The following CCSER1 variants were observed in gnomAD, a reference collection of about 807,000 sequenced individuals.
CCSER1 encodes the protein coiled-coil serine rich protein 1.
A neutral mutation model predicts 82.0 loss-of-function variants in CCSER1; 41 were observed. The ratio of observed to expected loss-of-function variants is 0.50; its 90% CI spans 0.39 to 0.65. The LOEUF (loss-of-function observed/expected upper bound fraction) is 0.65. CCSER1 is among the 30% of genes least tolerant of loss of function. The pLI is 0.00. For missense variants in CCSER1, 1,119 were observed against 1,064.2 expected (o/e 1.05, Z -0.72); for synonymous variants, 414 against 383.9 (o/e 1.08, Z -0.92).
At chr4:91,305,827 G>A (rs1040656749) in intron 10 of CCSER1, among the ~76,000 whole-genome samples, 1 of 151,886 alleles carries the variant, frequency 6.6e-6, no homozygotes, top group Non-Finnish European at 1.5e-5. Context: ...GGAGCAAGGC[G>A]CCTCTTACAC....
intron 7 of CCSER1, among the ~76,000 whole-genome samples, chr4:90,794,016 T>C (rs917018789): frequency 3.3e-5 from 5 of 152,196 alleles, no homozygotes; most frequent in Non-Finnish European, 7.3e-5. Context: ...TGGGGTTGTT[T>C]TTGTCTTGTA....
chr4:90,488,281 T>C (rs184408067), intron 5 of CCSER1, among the ~76,000 whole-genome samples: 1 of 152,114 alleles, frequency 6.6e-6, no homozygotes, highest in Non-Finnish European at 1.5e-5. Context: ...TCGGCCTCCA[T>C]GGTTCACACC....
At chr4:91,253,195 G>A (rs565916576) in intron 10 of CCSER1, among the ~76,000 whole-genome samples, 1 of 152,266 alleles carries the variant, frequency 6.6e-6, no homozygotes, top group African/African-American at 2.4e-5. Context: ...TGAGGATAAA[G>A]ACCTATATGA....
intron 10 of CCSER1, among the ~76,000 whole-genome samples, chr4:91,179,497 A>C (rs569884705): frequency 6.6e-6 from 1 of 152,056 alleles, no homozygotes; most frequent in Non-Finnish European, 1.5e-5. Flanking sequence ...GGCTTTGTTC[A>C]TTTCTTTTTA....
At chr4:91,259,075 GA>G (rs1740909186) in intron 10 of CCSER1, among the ~76,000 whole-genome samples, 1 of 151,822 alleles carries the variant, frequency 6.6e-6, no homozygotes, top group East Asian at 1.9e-4. Flanking sequence ...GAAAAATAAA[GA>G]AAAAACTTTT....
At chr4:90,319,460 G>C (rs1361701691) in intron 3 of CCSER1, among the ~76,000 whole-genome samples, 1 of 152,084 alleles carries the variant, frequency 6.6e-6, no homozygotes, top group East Asian at 1.9e-4. Flanking sequence ...GACTATCCTG[G>C]CTAACACGGT....
intron 10 of CCSER1, among the ~76,000 whole-genome samples, chr4:91,150,409 A>AT (rs547626655): frequency 5.4e-4 from 82 of 152,314 alleles, no homozygotes; most frequent in African/African-American, 1.9e-3. Flanking sequence ...TAAATATACA[A>AT]TCATGTCATC....
chr4:91,106,727 A>G (rs1236588512), intron 10 of CCSER1, among the ~76,000 whole-genome samples: 1 of 152,106 alleles, frequency 6.6e-6, no homozygotes, highest in Non-Finnish European at 1.5e-5. Context: ...TCTTTTCTCA[A>G]ATTCCACACC....
intron 6 of CCSER1, among the ~76,000 whole-genome samples, chr4:90,643,354 C>T (rs1726915266): frequency 6.6e-6 from 1 of 152,126 alleles, no homozygotes; most frequent in Admixed American, 6.6e-5. Context: ...TTGTCCTGGG[C>T]CTGTCATCCT....
At chr4:91,376,873 C>A (rs995936171) in intron 10 of CCSER1, among the ~76,000 whole-genome samples, 3 of 149,380 alleles carry the variant, frequency 2.0e-5, no homozygotes, top group African/African-American at 7.4e-5. Context: ...TCATCATTTA[C>A]ATTAGGTATA....
chr4:91,102,288 T>G (rs1452840200), intron 10 of CCSER1, among the ~76,000 whole-genome samples: 1 of 133,146 alleles, frequency 7.5e-6, no homozygotes, highest in Non-Finnish European at 1.7e-5. Flanking sequence ...TTGTAAGATG[T>G]TAAAATCCAG....
chr4:91,364,847 GCTATTA>G (rs570630204), intron 10 of CCSER1, among the ~76,000 whole-genome samples: 5 of 152,066 alleles, frequency 3.3e-5, no homozygotes, highest in Admixed American at 2.0e-4. Flanking sequence ...AATTTTTCCA[GCTATTA>G]CTATTAATTC....
chr4:90,837,799 G>A (rs749961870), intron 8 of CCSER1, among the ~76,000 whole-genome samples: 2 of 152,090 alleles, frequency 1.3e-5, no homozygotes, highest in African/African-American at 4.8e-5. Context: ...GAACTTAGCA[G>A]AGAATTACAG....
chr4:91,421,738 C>T (rs894418361), intron 10 of CCSER1, among the ~76,000 whole-genome samples: 6 of 151,260 alleles, frequency 4.0e-5, no homozygotes, highest in Non-Finnish European at 7.4e-5. Flanking sequence ...AATGGCCGCA[C>T]TGTACACCTT....
intron 1 of CCSER1, among the ~76,000 whole-genome samples, chr4:90,301,588 CTT>C (rs1733128625): frequency 6.6e-6 from 1 of 151,978 alleles, no homozygotes; most frequent in South Asian, 2.1e-4. Context: ...AAACACTTCT[CTT>C]ATGTAACAAA....
At chr4:91,264,440 C>A (rs1404846064) in intron 10 of CCSER1, among the ~76,000 whole-genome samples, 1 of 151,588 alleles carries the variant, frequency 6.6e-6, no homozygotes, top group African/African-American at 2.4e-5. Context: ...TAAAGTCATT[C>A]CAAATTAGCT....
At chr4:90,628,331 C>T (rs954329782) in intron 6 of CCSER1, 99 bp downstream of exon 6, 13 of 886,816 alleles carry the variant, frequency 1.5e-5, no homozygotes, top group Non-Finnish European at 2.0e-5. Context: ...AACTACATGA[C>T]ATTGGGCAGG....
intron 10 of CCSER1, among the ~76,000 whole-genome samples, chr4:91,514,109 T>C (rs1302890867): frequency 1.3e-5 from 2 of 152,230 alleles, no homozygotes; most frequent in Non-Finnish European, 2.9e-5. Flanking sequence ...TAAACTTTCC[T>C]GTCAACACTA....
chr4:91,527,015 A>G (rs902017013), intron 10 of CCSER1, among the ~76,000 whole-genome samples: 2 of 150,964 alleles, frequency 1.3e-5, no homozygotes, highest in African/African-American at 4.9e-5. Context: ...AATCTCATCA[A>G]AAGAAGTAAT....
Sources: allele counts gnomAD v4.1 joint callset (sites outside exome capture counted in the v4.1 genomes callset), GRCh38; gene constraint gnomAD v4.1.1; transcripts MANE v1.5; gene names NCBI Gene and HGNC (gene_info 2026-07-23, HGNC 2026-07-21).